The following ARHGAP44 variants were observed in gnomAD, a reference collection of about 807,000 sequenced individuals.
ARHGAP44 encodes the protein rho GTPase-activating protein 44.
A neutral mutation model predicts 106.8 loss-of-function variants in ARHGAP44; 43 were observed. The ratio of observed to expected loss-of-function variants is 0.40; its 90% CI spans 0.32 to 0.52. The LOEUF is 0.52. ARHGAP44 is among the 20% of genes least tolerant of loss of function. ARHGAP44 has a pLI of 0.48. For synonymous variants in ARHGAP44, 439 were observed against 410.3 expected (o/e 1.07, Z -0.85); for missense variants, 866 against 1,050.5 (o/e 0.82, Z 2.43).
In ARHGAP44 at chr17:12,949,344, T is replaced by G; in HGVS notation, c.973+93T>G. Reference sequence around the variant, plus strand: ...TGGCTACAAGTCCAGGACACTCAAGTCAGTGGCTGCCCAAAGCACTTCAGA... The same window carrying G: ...TGGCTACAAGTCCAGGACACTCAAGGCAGTGGCTGCCCAAAGCACTTCAGA... On this transcript the variant is annotated intron_variant, in intron 11 of 20. Coordinates refer to ENST00000379672, the MANE Select transcript of ARHGAP44 (RefSeq NM_014859.6). This position sits in a 1 kb window ranked among gnomAD's most constrained non-coding sequence, Gnocchi z 4.1. The G allele has an allele frequency of 7.5e-7, 1 of 1,333,992 alleles. No homozygotes were observed. The highest frequency in any genetic ancestry group is 1.0e-6 in the Non-Finnish European group (1 of 966,130). 82.6% of individuals were successfully genotyped at this position (1,333,992 alleles called of 1,614,324 possible).
intron 16 of ARHGAP44, 89 bp from the exon 17 acceptor site, chr17:12,973,212 AG>A: frequency 7.4e-7 from 1 of 1,354,748 alleles, no homozygotes; most frequent in Non-Finnish European, 1.0e-6. Context: ...TGGACCATGG[AG>A]AGAGACCCCT....
At chr17:12,943,491 G>A (rs774008023) in intron 8 of ARHGAP44, 97 bp from the exon 9 acceptor site, 44 of 1,074,958 alleles carry the variant, frequency 4.1e-5, no homozygotes, top group Non-Finnish European at 5.8e-5. Flanking sequence ...ACCTCCTTCC[G>A]CATGTGGAAG....
intron 13 of ARHGAP44, 69 bp downstream of exon 13, chr17:12,952,650 C>T (rs78563270): frequency 0.011 from 12,735 of 1,179,818 alleles, 75 homozygotes; most frequent in Non-Finnish European, 0.013. Flanking sequence ...TACAACTGCC[C>T]GGGTAAAAGT....
intron 1 of ARHGAP44, among the ~76,000 whole-genome samples, chr17:12,812,233 C>A (rs1307935372): frequency 6.6e-6 from 1 of 152,004 alleles, no homozygotes; most frequent in Non-Finnish European, 1.5e-5. Context: ...TTACTTATGC[C>A]CTAAGATAGT....
At chr17:12,849,068 G>A (rs1375374095) in intron 1 of ARHGAP44, among the ~76,000 whole-genome samples, 2 of 149,672 alleles carry the variant, frequency 1.3e-5, no homozygotes, top group Non-Finnish European at 3.0e-5. Context: ...AAAAAAAGTT[G>A]ACTAGATTCT....
At chr17:12,973,411 C>T (rs959181751) in intron 17 of ARHGAP44, 92 bp downstream of exon 17, 59 of 1,364,124 alleles carry the variant, frequency 4.3e-5, no homozygotes, top group Non-Finnish European at 4.9e-5. Flanking sequence ...AGGGTGAATG[C>T]GCCGCGTCTG....
chr17:12,943,782 CT>C, intron 9 of ARHGAP44, 113 bp downstream of exon 9: 11 of 1,168,518 alleles, frequency 9.4e-6, no homozygotes, highest in Non-Finnish European at 1.2e-5. Flanking sequence ...ACAGCATCAC[CT>C]GTAGATGAGC....
intron 14 of ARHGAP44, 113 bp from the exon 15 acceptor site, chr17:12,956,542 G>T (rs2039131054): frequency 1.3e-6 from 1 of 799,252 alleles, no homozygotes. Flanking sequence ...ACCTCTGTCT[G>T]TGGGGTTCCA....
rs188534009 is a variant in ARHGAP44 at position 12,910,131 on chromosome 17, C to T, written c.275+1158C>T. Among the ~76,000 whole-genome samples, 16 of 152,156 alleles carry T rather than the reference C, an allele frequency of 1.1e-4. No individual in the cohort carries two copies. In the East Asian group the frequency reaches 2.5e-3, roughly 24 times the overall value. On this transcript the variant is annotated intron_variant, in intron 4 of 20. Coordinates refer to ENST00000379672, the MANE Select transcript of ARHGAP44 (RefSeq NM_014859.6). ...CAGGCAGATTTGAAGAAGATACTAC[C>T]TGCATATTCTCACTGAAAGGACTAG...
At chr17:12,930,676 G>A (rs1249117171) in intron 7 of ARHGAP44, among the ~76,000 whole-genome samples, 1 of 152,172 alleles carries the variant, frequency 6.6e-6, no homozygotes, top group Non-Finnish European at 1.5e-5. Context: ...AAATAGATCA[G>A]GATAAAAGTT....
chr17:12,871,910 C>T (rs1229234898), intron 1 of ARHGAP44, among the ~76,000 whole-genome samples: 1 of 152,180 alleles, frequency 6.6e-6, no homozygotes, highest in Non-Finnish European at 1.5e-5. Context: ...CATCATGCTT[C>T]CTCTATAACC....
intron 1 of ARHGAP44, among the ~76,000 whole-genome samples, chr17:12,855,580 G>T (rs1597947962): frequency 6.6e-6 from 1 of 151,112 alleles, no homozygotes; most frequent in African/African-American, 2.4e-5. Flanking sequence ...TGGGTGGGTG[G>T]TCAGAGTAAT....
intron 1 of ARHGAP44, among the ~76,000 whole-genome samples, chr17:12,794,786 T>C (rs2033870100): frequency 6.6e-6 from 1 of 152,094 alleles, no homozygotes; most frequent in Non-Finnish European, 1.5e-5. Flanking sequence ...GGAATTCAGC[T>C]GCAGAGGCCT....
At chr17:12,813,462 G>A (rs1480205925) in intron 1 of ARHGAP44, among the ~76,000 whole-genome samples, 2 of 152,158 alleles carry the variant, frequency 1.3e-5, no homozygotes, top group Non-Finnish European at 2.9e-5. Context: ...TTTGTTATAT[G>A]TAATGTAGGG....
intron 7 of ARHGAP44, among the ~76,000 whole-genome samples, chr17:12,935,018 C>CCATAGGT (rs1261506481): frequency 2.0e-5 from 3 of 152,126 alleles, no homozygotes; most frequent in African/African-American, 7.2e-5. Flanking sequence ...TGCAGGCATC[C>CCATAGGT]TCTGTGGCAG....
chr17:12,961,988 A>T (rs1287014908), intron 16 of ARHGAP44, among the ~76,000 whole-genome samples: 1 of 152,108 alleles, frequency 6.6e-6, no homozygotes, highest in Admixed American at 6.6e-5. Flanking sequence ...TTTGAAATCT[A>T]TGAGATACAT....
chr17:12,960,425 G>T (rs1165254713), intron 16 of ARHGAP44, among the ~76,000 whole-genome samples: 8 of 152,030 alleles, frequency 5.3e-5, no homozygotes, highest in Non-Finnish European at 1.0e-4. Flanking sequence ...AACCAGCCGG[G>T]AGTGGTGGCA....
chr17:12,841,067 A>G (rs2035376688), intron 1 of ARHGAP44, among the ~76,000 whole-genome samples: 1 of 152,170 alleles, frequency 6.6e-6, no homozygotes, highest in Admixed American at 6.5e-5. Context: ...AAGGATGGGA[A>G]AGCCCCTCCA....
intron 1 of ARHGAP44, among the ~76,000 whole-genome samples, chr17:12,840,335 C>CATATA (rs2035354599): frequency 6.6e-6 from 1 of 152,172 alleles, no homozygotes; most frequent in African/African-American, 2.4e-5. Context: ...GGTCATAATG[C>CATATA]TTCTGCCATG....
Sources: allele counts gnomAD v4.1 joint callset (sites outside exome capture counted in the v4.1 genomes callset), GRCh38; gene constraint gnomAD v4.1.1; non-coding constraint Gnocchi (gnomAD v3.1); transcripts MANE v1.5; gene names NCBI Gene and HGNC (gene_info 2026-07-23, HGNC 2026-07-21).